Variants in ESR1 observed in about 807,000 individuals in gnomAD.
The protein encoded by ESR1 is estrogen receptor 1.
In ESR1, 12 loss-of-function variants were observed where a neutral mutation model predicts 52.7. The observed-to-expected ratio is 0.23, with a 90% confidence interval of 0.15 to 0.37. The LOEUF (loss-of-function observed/expected upper bound fraction) is 0.37, where lower values mean the gene tolerates loss of function less well. Among genes scored for constraint, ESR1 ranks in the 10% least tolerant of loss-of-function variants. ESR1 has a pLI of 1.00. For synonymous variants in ESR1, 305 were observed against 316.8 expected (o/e 0.96, Z 0.39); for missense variants, 584 against 779.7 (o/e 0.75, Z 2.99).
chr6:151,813,054 T>C (rs139337463), intron 1 of ESR1, among the ~76,000 whole-genome samples: 30 of 152,160 alleles, frequency 2.0e-4, no homozygotes, highest in African/African-American at 7.2e-4. Flanking sequence ...AGAATTTAAG[T>C]GGGCTGGAGG....
At chr6:151,795,342 C>A (rs1230266836) in intron 2 of ESR1, among the ~76,000 whole-genome samples, 1 of 151,922 alleles carries the variant, frequency 6.6e-6, no homozygotes, top group African/African-American at 2.4e-5. Context: ...CAAAAATTAG[C>A]TGGGTGTGGT....
upstream of ESR1, chr6:151,805,041 A>T (rs1468068767): frequency 6.6e-6 from 1 of 152,186 alleles, no homozygotes; most frequent in African/African-American, 2.4e-5. Context: ...GGCTTTTAAT[A>T]ATACGTATTT....
intron 3 of ESR1, among the ~76,000 whole-genome samples, chr6:151,909,069 A>G (rs536650268): frequency 7.2e-5 from 11 of 152,294 alleles, no homozygotes; most frequent in Non-Finnish European, 1.0e-4. Flanking sequence ...AATTCACTCT[A>G]TCTTTGGAGA....
chr6:151,881,652 G>T (rs532212630), intron 3 of ESR1, among the ~76,000 whole-genome samples: 1 of 152,088 alleles, frequency 6.6e-6, no homozygotes, highest in Non-Finnish European at 1.5e-5. Context: ...TGAGGCTGAG[G>T]TGGGCAGATC....
chr6:152,088,740 A>G (rs777710666), intron 6 of ESR1, among the ~76,000 whole-genome samples: 5 of 152,122 alleles, frequency 3.3e-5, no homozygotes, highest in Non-Finnish European at 5.9e-5. Flanking sequence ...GGATTTCTCA[A>G]CCTCCATAAC....
At chr6:151,790,254 C>T (rs1787402976) in intron 2 of ESR1, among the ~76,000 whole-genome samples, 1 of 152,226 alleles carries the variant, frequency 6.6e-6, no homozygotes, top group Non-Finnish European at 1.5e-5. Context: ...TTTTCCTCCG[C>T]AAACTTTGGG....
chr6:151,825,928 A>AAAAG lies in ESR1; in HGVS notation c.453-16661_453-16658dup, dbSNP rs1562447119. 4.5e-4 allele frequency among the ~76,000 whole-genome samples: 68 copies of AAAAG among 150,710 alleles called. 2 individuals carry two copies. The highest frequency in any genetic ancestry group is 6.5e-4 in the Non-Finnish European group (44 of 67,518). ...TCCATCTCAAAAAAAAAAAAAAAAAAAAAGAAAGAAATGTGTTTTCCAGGG... is the reference window on the plus strand; with the variant it reads ...TCCATCTCAAAAAAAAAAAAAAAAAAAAAGAAAGAAAGAAATGTGTTTTCCAGGG... On this transcript the variant is annotated intron_variant, in intron 1 of 7. Transcript: ENST00000206249.
rs1341731193 is a variant in ESR1, at chr6:151,924,000, C to T, written c.761-20173C>T. Among the ~76,000 whole-genome samples, 4 of 152,132 alleles carry T rather than the reference C, an allele frequency of 2.6e-5. No homozygotes were observed. The South Asian group carries it at 6.2e-4, about 24-fold the overall frequency. ...TTTTTGTCAGTGTTTTGGATTTTAA[C>T]TATTGTAATAGATGTGTAGTAGTGT... On this transcript the variant is annotated intron_variant, in intron 3 of 7. Coordinates refer to ENST00000206249, the MANE Select transcript of ESR1 (RefSeq NM_000125.4).
chr6:151,951,954 A>C (rs563084618), intron 4 of ESR1, among the ~76,000 whole-genome samples: 1 of 152,122 alleles, frequency 6.6e-6, no homozygotes, highest in South Asian at 2.1e-4. Flanking sequence ...CCTCTTCTTC[A>C]CCATCTCTAA....
At chr6:151,664,936 AT>A (rs1777769457) in intron 1 of ESR1, among the ~76,000 whole-genome samples, 1 of 152,232 alleles carries the variant, frequency 6.6e-6, no homozygotes, top group Non-Finnish European at 1.5e-5. Flanking sequence ...AGTTGGGTTT[AT>A]GAAGTATTTT....
At chr6:151,960,988 G>T (rs2037589518) in intron 4 of ESR1, among the ~76,000 whole-genome samples, 1 of 152,184 alleles carries the variant, frequency 6.6e-6, no homozygotes, top group African/African-American at 2.4e-5. Context: ...GATAAAAGTT[G>T]AGTCAACAAC....
At position 152,011,803 on chromosome 6, in the gene ESR1, C is replaced by T. The variant is rs777039486; in HGVS notation, c.1235+9C>T. On this transcript the variant is annotated intron_variant, in intron 5 of 7. Transcript: ENST00000206249. ...AACTTGCTCTTGGACAGGTAAGTGA[C>T]CTGGCTGTAGCTTAGGAGTAGCATG... 8.7e-6 allele frequency: 14 copies of T among 1,612,376 alleles called. No homozygotes were observed. The highest frequency in any genetic ancestry group is 1.2e-5 in the Non-Finnish European group (14 of 1,179,200).
At chr6:151,660,456 C>T (rs928506833) in intron 1 of ESR1, among the ~76,000 whole-genome samples, 4 of 152,166 alleles carry the variant, frequency 2.6e-5, no homozygotes, top group African/African-American at 9.7e-5. Flanking sequence ...GTTTCTTCAT[C>T]TGCAAAACTT....
At chr6:152,092,880 C>T (rs1002219755) in intron 6 of ESR1, among the ~76,000 whole-genome samples, 12 of 152,060 alleles carry the variant, frequency 7.9e-5, no homozygotes, top group East Asian at 1.9e-4. Context: ...CAGTTATAAG[C>T]GACAGAAATC....
intron 2 of ESR1, among the ~76,000 whole-genome samples, chr6:151,722,264 C>G (rs1202422688): frequency 6.6e-6 from 1 of 152,194 alleles, no homozygotes; most frequent in East Asian, 1.9e-4. Context: ...ACATACCTGC[C>G]TGCTCAGAAG....
intron 1 of ESR1, among the ~76,000 whole-genome samples, chr6:151,808,694 G>A (rs796234301): frequency 6.6e-5 from 10 of 152,200 alleles, no homozygotes; most frequent in African/African-American, 2.2e-4. Context: ...ATTTGTGGGG[G>A]AAAACACCTC....
In ESR1 at chr6:152,100,182, C is replaced by T. The variant is rs2050914695; in HGVS notation, c.*1216C>T. ...CTGGGATCCCTGGGGTAGTCCAGCTCTTCTTCATTTCCCAGCGTGGCCCTG... is the reference window on the plus strand; with the variant it reads ...CTGGGATCCCTGGGGTAGTCCAGCTTTTCTTCATTTCCCAGCGTGGCCCTG... On this transcript the variant is annotated 3_prime_UTR_variant, in exon 8 of 8. Coordinates refer to ENST00000206249, the MANE Select transcript of ESR1 (RefSeq NM_000125.4). 2.5e-6 allele frequency: 1 copy of T among 397,944 alleles called. No individual in the cohort carries two copies. Among genetic ancestry groups the T allele is most frequent in the Non-Finnish European group, 4.4e-6 (1 of 225,862 alleles). The allele number at this position is 397,944 out of a possible 1,614,324, so 24.7% of individuals were successfully genotyped here. A position where few individuals can be genotyped will look rare whatever the true frequency, so the allele number is the denominator to read the frequency against.
chr6:151,890,943 T>C (rs1388356307), intron 3 of ESR1, among the ~76,000 whole-genome samples: 1 of 152,178 alleles, frequency 6.6e-6, no homozygotes, highest in Non-Finnish European at 1.5e-5. Flanking sequence ...ATCCATTTAC[T>C]CACTGTATCT....
At chr6:152,089,029 C>A (rs575972795) in intron 6 of ESR1, among the ~76,000 whole-genome samples, 2 of 152,200 alleles carry the variant, frequency 1.3e-5, no homozygotes, top group East Asian at 3.9e-4. Flanking sequence ...TTCAGTCAGT[C>A]TCTAGAACTT....
Sources: gnomAD v4.1 joint callset for allele counts (sites outside exome capture counted in the v4.1 genomes callset) on GRCh38, gnomAD v4.1.1 for gene constraint, MANE v1.5 for transcripts, NCBI Gene and HGNC (gene_info 2026-07-23, HGNC 2026-07-21) for gene names.